RALGAPA2: variants seen among roughly 807,000 people sequenced by gnomAD.
RALGAPA2 encodes ral GTPase-activating protein subunit alpha-2.
Under a neutral mutation model 230.4 loss-of-function variants are expected in RALGAPA2, and 139 were observed. That is an observed-to-expected ratio of 0.60 (90% CI 0.53 to 0.69). RALGAPA2 has a LOEUF of 0.69. Among genes scored for constraint, RALGAPA2 ranks in the 30% least tolerant of loss-of-function variants. The pLI is 0.00. For missense variants in RALGAPA2, 2,163 were observed against 2,276.0 expected (o/e 0.95, Z 1.01); for synonymous variants, 847 against 837.8 (o/e 1.01, Z -0.19).
chr20:20,701,595 C>T (rs1240947077), intron 1 of RALGAPA2, among the ~76,000 whole-genome samples: 4 of 151,798 alleles, frequency 2.6e-5, no homozygotes, highest in South Asian at 4.2e-4. Context: ...AAAAATTAGC[C>T]GGCACATGCC....
At chr20:20,655,620 G>A (rs6082083) in intron 3 of RALGAPA2, among the ~76,000 whole-genome samples, 9,186 of 152,182 alleles carry the variant, frequency 0.06, 377 homozygotes, top group East Asian at 0.16. Flanking sequence ...GGAGAGGCAG[G>A]CGAGGCTGGG....
intron 1 of RALGAPA2, among the ~76,000 whole-genome samples, chr20:20,684,043 C>CTGTGTCT (rs1568750525): frequency 3.9e-5 from 6 of 152,196 alleles, no homozygotes; most frequent in Non-Finnish European, 8.8e-5. Context: ...GTCTAACAGA[C>CTGTGTCT]ACTCTCTGAC....
chr20:20,637,770 T>C (rs573108632), intron 7 of RALGAPA2, among the ~76,000 whole-genome samples: 1 of 152,342 alleles, frequency 6.6e-6, no homozygotes, highest in African/African-American at 2.4e-5. Flanking sequence ...CGTGCTGTAA[T>C]GTATCATGCC....
intron 30 of RALGAPA2, among the ~76,000 whole-genome samples, chr20:20,521,447 C>A (rs1173118551): frequency 1.3e-5 from 2 of 151,970 alleles, no homozygotes; most frequent in Non-Finnish European, 2.9e-5. Flanking sequence ...AGGCCAATCA[C>A]GGTGGAGGGT....
chr20:20,700,344 A>C (rs779349218), intron 1 of RALGAPA2, among the ~76,000 whole-genome samples: 5 of 152,014 alleles, frequency 3.3e-5, no homozygotes, highest in Admixed American at 6.6e-5. Context: ...AAAACAACCT[A>C]TTGGGCACTA....
intron 23 of RALGAPA2, among the ~76,000 whole-genome samples, chr20:20,566,508 G>GA (rs1438176124): frequency 2.0e-5 from 3 of 151,676 alleles, no homozygotes; most frequent in East Asian, 1.9e-4. Flanking sequence ...TATGGAGAAA[G>GA]AAAAAAAATC....
rs17803328 is a variant in RALGAPA2 at position 20,433,040 on chromosome 20, T to C, written c.5496-20892A>G. On this transcript the variant is annotated intron_variant, in intron 37 of 39. Transcript: ENST00000202677. ...AGAGCCTGCATTTTAAGAATGACTA[T>C]GCAAATTTAGTGGCAAGCCATTGGG... 1.7e-3 allele frequency among the ~76,000 whole-genome samples: 258 copies of C among 152,374 alleles called. 2 individuals carry two copies. In the East Asian group the frequency reaches 0.028, roughly 16 times the overall value.
Position 20,547,064 on chromosome 20 carries a change from T to C in RALGAPA2, c.3157-232A>G, listed in dbSNP as rs1330112443. Among the ~76,000 whole-genome samples the C allele has an allele frequency of 2.0e-5, 3 of 152,182 alleles. No individual in the cohort carries two copies. In the South Asian group the frequency reaches 6.2e-4, roughly 32 times the overall value. ...TAAGATGAATTATCCAAAATCTAAA[T>C]CATGGCTCTGAGACTAGACATTTCA... On this transcript the variant is annotated intron_variant, in intron 23 of 39. Transcript: ENST00000202677.
chr20:20,613,127 T>C (rs555372481), intron 13 of RALGAPA2, among the ~76,000 whole-genome samples: 29 of 152,294 alleles, frequency 1.9e-4, no homozygotes, highest in Non-Finnish European at 1.0e-4. Context: ...TTTGGAAAAA[T>C]CTTTCCTTAT....
chr20:20,534,197 C>T (rs2063439793), intron 26 of RALGAPA2, among the ~76,000 whole-genome samples: 1 of 152,252 alleles, frequency 6.6e-6, no homozygotes, highest in East Asian at 1.9e-4. Context: ...GTAATCCCAG[C>T]ACTTTGGGAG....
intron 3 of RALGAPA2, among the ~76,000 whole-genome samples, chr20:20,659,156 T>C (rs2146655716): frequency 6.6e-6 from 1 of 152,330 alleles, no homozygotes; most frequent in East Asian, 1.9e-4. Flanking sequence ...TGATGAGAAC[T>C]GGACTGTTCG....
intron 37 of RALGAPA2, among the ~76,000 whole-genome samples, chr20:20,443,990 C>T (rs2060803259): frequency 1.3e-5 from 2 of 152,258 alleles, no homozygotes; most frequent in African/African-American, 4.8e-5. Context: ...GCATGAGAAT[C>T]ACCTAGTGGT....
chr20:20,640,923 C>A, intron 5 of RALGAPA2, 45 bp from the exon 6 acceptor site: 1 of 1,489,816 alleles, frequency 6.7e-7, no homozygotes, highest in East Asian at 2.3e-5. Flanking sequence ...CATGTATTTA[C>A]AGAAATGCAT....
intron 1 of RALGAPA2, among the ~76,000 whole-genome samples, chr20:20,683,155 G>A (rs1476617637): frequency 1.3e-5 from 2 of 152,188 alleles, no homozygotes; most frequent in Admixed American, 6.5e-5. Context: ...CATTCTGTTA[G>A]CCTGCCTTTA....
chr20:20,519,894 T>C (rs1439591821), intron 31 of RALGAPA2, among the ~76,000 whole-genome samples: 2 of 152,016 alleles, frequency 1.3e-5, no homozygotes, highest in African/African-American at 2.4e-5. Flanking sequence ...TTTTTTAAGA[T>C]AGAGTCTCAC....
chr20:20,474,761 T>C (rs959885761), intron 36 of RALGAPA2, among the ~76,000 whole-genome samples: 1 of 152,152 alleles, frequency 6.6e-6, no homozygotes, highest in Non-Finnish European at 1.5e-5. Flanking sequence ...ACTTCAGACA[T>C]GCTAAGTTAG....
chr20:20,525,396 T>C (rs181355227), intron 28 of RALGAPA2, among the ~76,000 whole-genome samples: 276 of 152,310 alleles, frequency 1.8e-3, no homozygotes, highest in South Asian at 0.011. Context: ...TATGTTCCCA[T>C]GTCCAAACTC....
chr20:20,427,756 C>T (rs911271789), intron 37 of RALGAPA2, among the ~76,000 whole-genome samples: 1 of 151,254 alleles, frequency 6.6e-6, no homozygotes, highest in Non-Finnish European at 1.5e-5. Flanking sequence ...CTATATCTGG[C>T]CCAGGATGGA....
At chr20:20,629,631 C>T (rs766631915) in intron 9 of RALGAPA2, 41 bp from the exon 10 acceptor site, 6 of 1,587,508 alleles carry the variant, frequency 3.8e-6, no homozygotes, top group Non-Finnish European at 5.2e-6. Context: ...TGCTCACCCC[C>T]ACTCAAGAAC....
Sources: gnomAD v4.1 joint callset for allele counts (sites outside exome capture counted in the v4.1 genomes callset) on GRCh38, gnomAD v4.1.1 for gene constraint, MANE v1.5 for transcripts, NCBI Gene and HGNC (gene_info 2026-07-23, HGNC 2026-07-21) for gene names.